WIPF3: variants seen among roughly 807,000 people sequenced by gnomAD.
WIPF3 encodes WAS/WASL-interacting protein family member 3.
Under a neutral mutation model 38.9 loss-of-function variants are expected in WIPF3, and 33 were observed. The ratio of observed to expected loss-of-function variants is 0.85; its 90% CI spans 0.64 to 1.14. The LOEUF is 1.14. Among genes scored for constraint, WIPF3 ranks in the 50% most tolerant of loss-of-function variants. WIPF3 has a pLI of 0.00. For missense variants in WIPF3, 711 were observed against 652.5 expected (o/e 1.09, Z -0.98); for synonymous variants, 324 against 269.3 (o/e 1.20, Z -1.99).
At chr7:29,837,329 CT>C (rs1784821647) in intron 2 of WIPF3, among the ~76,000 whole-genome samples, 1 of 152,202 alleles carries the variant, frequency 6.6e-6, no homozygotes, top group African/African-American at 2.4e-5. Context: ...GCACTCCAGC[CT>C]GGGCAACAGA....
chr7:29,889,317 T>C lies in WIPF3; in HGVS notation c.1261T>C (p.Ser421Pro). Residue 421 changes from serine to proline, a missense_variant, in exon 7 of 9, where the codon TCT becomes CCT. Coordinates refer to ENST00000242140, the MANE Select transcript of WIPF3 (RefSeq NM_001080529.3). ...GSLHIIDDFE[S>P]KFTFHSVEDF... is the part of the protein sequence containing the mutation. ...TCGCTTGTGTGCAGATGACTTCGAG[T>C]CTAAATTCACGTTCCATTCTGTGGA... is the stretch of plus-strand genomic sequence containing the variant. 1 of 1,613,778 alleles carries C rather than the reference T, an allele frequency of 6.2e-7. No homozygotes were observed. Among genetic ancestry groups the C allele is most frequent in the Admixed American group, 1.7e-5 (1 of 60,018 alleles).
intron 8 of WIPF3, chr7:29,905,402 G>A (rs1786375839): frequency 6.6e-6 from 1 of 152,206 alleles, no homozygotes; most frequent in Non-Finnish European, 1.5e-5. Context: ...AGGAATCTGT[G>A]GACAACAATT....
chr7:29,914,649 G>A lies in WIPF3; in HGVS notation c.*133G>A, dbSNP rs981808932. On this transcript the variant is annotated 3_prime_UTR_variant, in exon 9 of 9. Coordinates refer to ENST00000242140, the MANE Select transcript of WIPF3 (RefSeq NM_001080529.3). ...TTGAGAATTTATTTATTGTAAATATGTGATTTGCACGGGCTTTAAAGCAGT... is the reference window on the plus strand; with the variant it reads ...TTGAGAATTTATTTATTGTAAATATATGATTTGCACGGGCTTTAAAGCAGT... 6 of 555,696 alleles carry A rather than the reference G, an allele frequency of 1.1e-5. No homozygotes were observed. Among genetic ancestry groups the A allele is most frequent in the African/African-American group, 9.8e-5 (5 of 50,884 alleles). The allele number at this position is 555,696 out of a possible 1,614,324, so 34.4% of individuals were successfully genotyped here.
At position 29,822,863 on chromosome 7, in the gene WIPF3, C is replaced by T. The variant is rs1355317505; in HGVS notation, c.-57-11805C>T. 2.6e-5 allele frequency among the ~76,000 whole-genome samples: 4 copies of T among 152,322 alleles called. No individual in the cohort carries two copies. In the East Asian group the frequency reaches 7.7e-4, roughly 29 times the overall value. ...TACCGTCTTAAAACCGGAAGACCTT[C>T]TTGAACTTTATTTTGAAAAGTGAGT... On this transcript the variant is annotated intron_variant, in intron 1 of 8. Coordinates refer to ENST00000242140, the MANE Select transcript of WIPF3 (RefSeq NM_001080529.3).
chr7:29,815,458 A>G (rs1487691979), intron 1 of WIPF3, among the ~76,000 whole-genome samples: 1 of 152,202 alleles, frequency 6.6e-6, no homozygotes, highest in African/African-American at 2.4e-5. Flanking sequence ...CCTGGCATGC[A>G]TGGATGCTCA....
chr7:29,853,837 T>C (rs1011377138), intron 2 of WIPF3, among the ~76,000 whole-genome samples: 2 of 152,246 alleles, frequency 1.3e-5, no homozygotes, highest in Non-Finnish European at 2.9e-5. Context: ...ATCCAGGTGT[T>C]CACTGGTGGT....
chr7:29,834,842 C>G, intron 2 of WIPF3, 28 bp downstream of exon 2: 1 of 1,433,750 alleles, frequency 7.0e-7, no homozygotes. Flanking sequence ...GATTGGTTTA[C>G]TGTGGAGCAT....
intron 1 of WIPF3, 51 bp from the exon 2 acceptor site, chr7:29,834,617 C>A (rs1317751620): frequency 7.3e-7 from 1 of 1,370,492 alleles, no homozygotes; most frequent in Non-Finnish European, 9.5e-7. Flanking sequence ...ACATTTCCTG[C>A]ATGTAAGTAA....
chr7:29,818,733 T>TC (rs1784494691), intron 1 of WIPF3, among the ~76,000 whole-genome samples: 4 of 152,096 alleles, frequency 2.6e-5, no homozygotes, highest in Non-Finnish European at 5.9e-5. Flanking sequence ...AGCTGTAGGA[T>TC]AATGATAACT....
At chr7:29,842,441 C>T (rs893971526) in intron 2 of WIPF3, among the ~76,000 whole-genome samples, 5 of 152,194 alleles carry the variant, frequency 3.3e-5, no homozygotes, top group Non-Finnish European at 7.3e-5. Flanking sequence ...AGGGAGATTA[C>T]AGTGAGAGGC....
At chr7:29,909,234 A>G (rs1489569666) in intron 8 of WIPF3, among the ~76,000 whole-genome samples, 2 of 152,152 alleles carry the variant, frequency 1.3e-5, no homozygotes, top group East Asian at 3.8e-4. Context: ...TACAATGTAA[A>G]GAGCTAGAAA....
intron 1 of WIPF3, among the ~76,000 whole-genome samples, chr7:29,831,007 CTG>C (rs1173744510): frequency 2.0e-5 from 3 of 152,188 alleles, no homozygotes; most frequent in Non-Finnish European, 4.4e-5. Context: ...TGGTGAAAAA[CTG>C]TAGACACTGA....
chr7:29,909,901 AAAAAAG>A (rs199794000), intron 8 of WIPF3, among the ~76,000 whole-genome samples: 221 of 115,514 alleles, frequency 1.9e-3, no homozygotes, highest in African/African-American at 4.0e-3. Context: ...GTCTCAAAAA[AAAAAAG>A]AAAAAGAAGA....
At chr7:29,874,327 T>C (rs1467218976) in intron 2 of WIPF3, among the ~76,000 whole-genome samples, 1 of 152,132 alleles carries the variant, frequency 6.6e-6, no homozygotes, top group Non-Finnish European at 1.5e-5. Flanking sequence ...ACAGACAGAA[T>C]ATTTTTTCCT....
rs141174377 is a variant in WIPF3 at position 29,902,265 on chromosome 7, C to CTT, written c.1352-2020_1352-2019dup. On this transcript the variant is annotated intron_variant, in intron 7 of 8. Transcript: ENST00000242140. ...GGCTGTATATTAGTGTTTTCTTCTT[C>CTT]TTCTTCTTCTTTTTTTTTTTTTTTT... Among the ~76,000 whole-genome samples, 839 of 116,208 alleles carry CTT rather than the reference C, an allele frequency of 7.2e-3. 13 individuals are homozygous for CTT. Among genetic ancestry groups the CTT allele is most frequent in the South Asian group, 0.014 (42 of 2,914 alleles). 76.2% of individuals were successfully genotyped at this position (116,208 alleles called of 152,430 possible). A position where few individuals can be genotyped will look rare whatever the true frequency, so the allele number is the denominator to read the frequency against.
At chr7:29,894,822 C>T (rs1786100478) in intron 7 of WIPF3, among the ~76,000 whole-genome samples, 1 of 152,066 alleles carries the variant, frequency 6.6e-6, no homozygotes. Context: ...TTAGCTCTTC[C>T]ACTAGCCATC....
At chr7:29,846,803 C>T (rs1785008619) in intron 2 of WIPF3, among the ~76,000 whole-genome samples, 2 of 152,238 alleles carry the variant, frequency 1.3e-5, no homozygotes, top group South Asian at 2.1e-4. Context: ...AAGCTGTCTG[C>T]TTCAGTAGGG....
rs1486128303 is a variant in WIPF3, at chr7:29,888,142, A to G, written c.1174A>G (p.Ser392Gly). ...ACCTACCACAGAGCTTTCAAGCAAG[A>G]GCCAGCAGGCCACAGCCTGGACCCC... The part of the protein sequence containing the change: ...RSPTTELSSK[S>G]QQATAWTPTQ... The change falls in exon 6 of 9, where the codon AGC becomes GGC. Residue 392 changes from serine (S) to glycine (G), a missense_variant. By Grantham distance (56) the Ser-to-Gly change is moderately conservative. Transcript: ENST00000242140. 1 of 1,613,852 alleles carries G rather than the reference A, an allele frequency of 6.2e-7. No homozygotes were observed. Among genetic ancestry groups the G allele is most frequent in the South Asian group, 1.1e-5 (1 of 91,040 alleles).
chr7:29,838,019 C>T (rs1258594812), intron 2 of WIPF3, among the ~76,000 whole-genome samples: 1 of 152,172 alleles, frequency 6.6e-6, no homozygotes, highest in East Asian at 1.9e-4. Flanking sequence ...CCCAGGTTCA[C>T]ACCATTCTCC....
Sources: gnomAD v4.1 joint callset for allele counts (sites outside exome capture counted in the v4.1 genomes callset) on GRCh38, gnomAD v4.1.1 for gene constraint, MANE v1.5 for transcripts, NCBI Gene and HGNC (gene_info 2026-07-23, HGNC 2026-07-21) for gene names.